ULK4: variants seen among roughly 807,000 people sequenced by gnomAD.
The protein encoded by ULK4 is inactive serine/threonine-protein kinase ULK4.
In ULK4, 133 loss-of-function variants were observed where a neutral mutation model predicts 160.6. The observed-to-expected ratio is 0.83, with a 90% CI of 0.72 to 0.96. The LOEUF (loss-of-function observed/expected upper bound fraction) is 0.96, where lower values mean the gene tolerates loss of function less well. ULK4 is among the 40% of genes least tolerant of loss of function. The pLI, the probability that ULK4 is intolerant of heterozygous loss-of-function variation, is 0.00. For missense variants in ULK4, 1,580 were observed against 1,499.5 expected (o/e 1.05, Z -0.89); for synonymous variants, 534 against 539.8 (o/e 0.99, Z 0.15).
At chr3:41,771,239 CAA>C (rs565069343) in intron 21 of ULK4, among the ~76,000 whole-genome samples, 2 of 152,144 alleles carry the variant, frequency 1.3e-5, no homozygotes, top group South Asian at 4.2e-4. Context: ...TGGTAATGTT[CAA>C]AAGTTAATTA....
intron 30 of ULK4, among the ~76,000 whole-genome samples, chr3:41,618,983 C>T (rs2125687701): frequency 6.6e-6 from 1 of 151,838 alleles, no homozygotes; most frequent in Admixed American, 6.6e-5. Context: ...ATCCTAGTCT[C>T]TAGGATTTAA....
intron 21 of ULK4, among the ~76,000 whole-genome samples, chr3:41,771,679 C>T (rs1342200409): frequency 6.6e-6 from 1 of 152,084 alleles, no homozygotes; most frequent in South Asian, 2.1e-4. Context: ...ACCACCACCA[C>T]ACACACAAAC....
intron 32 of ULK4, among the ~76,000 whole-genome samples, chr3:41,500,330 T>C (rs935176509): frequency 9.9e-5 from 15 of 151,808 alleles, no homozygotes; most frequent in African/African-American, 3.1e-4. Flanking sequence ...TTCTCAACAG[T>C]TGAAAACCCT....
intron 32 of ULK4, among the ~76,000 whole-genome samples, chr3:41,519,566 G>C (rs768412397): frequency 1.3e-5 from 2 of 152,234 alleles, no homozygotes; most frequent in South Asian, 4.1e-4. Context: ...CAGTGTGGTA[G>C]GGAATTTGAA....
At chr3:41,333,690 C>T (rs1398810464) in intron 35 of ULK4, among the ~76,000 whole-genome samples, 1 of 146,772 alleles carries the variant, frequency 6.8e-6, no homozygotes, top group East Asian at 2.0e-4. Context: ...TTTTACTCTT[C>T]ACCTGTTTGC....
chr3:41,624,205 T>C (rs1347524187), intron 30 of ULK4, among the ~76,000 whole-genome samples: 2 of 152,216 alleles, frequency 1.3e-5, no homozygotes, highest in East Asian at 3.8e-4. Context: ...TTCACAGTCT[T>C]CTTCCTCAGT....
intron 35 of ULK4, among the ~76,000 whole-genome samples, chr3:41,378,939 G>A (rs1450569738): frequency 6.6e-6 from 1 of 152,054 alleles, no homozygotes; most frequent in African/African-American, 2.4e-5. Flanking sequence ...ATCATTCTCA[G>A]CAAACTAACA....
intron 31 of ULK4, among the ~76,000 whole-genome samples, chr3:41,578,834 G>A (rs1324524239): frequency 6.6e-6 from 1 of 152,136 alleles, no homozygotes. Context: ...CTTGATCAAG[G>A]GAGAAAGTGA....
intron 29 of ULK4, among the ~76,000 whole-genome samples, chr3:41,668,048 T>C (rs1181271353): frequency 6.6e-6 from 1 of 152,186 alleles, no homozygotes; most frequent in African/African-American, 2.4e-5. Context: ...CTGAGGTATG[T>C]GATGAAACAA....
intron 17 of ULK4, among the ~76,000 whole-genome samples, chr3:41,882,590 G>T (rs1347519359): frequency 6.6e-6 from 1 of 152,140 alleles, no homozygotes; most frequent in Non-Finnish European, 1.5e-5. Flanking sequence ...CACTAACTCA[G>T]CTTCCTAAAG....
At position 41,420,475 on chromosome 3, in the gene ULK4, C is replaced by CTTTTTTTTTTTTTTTTTTTTTTTTTTTTT. The variant is rs1165381982; in HGVS notation, c.3493-22212_3493-22211insAAAAAAAAAAAAAAAAAAAAAAAAAAAAA. On this transcript the variant is annotated intron_variant, in intron 34 of 36. Coordinates refer to ENST00000301831, the MANE Select transcript of ULK4 (RefSeq NM_017886.4). ...GGATTTTTCAGTTTTCCAGTTCTTT[C>CTTTTTTTTTTTTTTTTTTTTTTTTTTTTT]TTTTTTTTTTTTTTTTTTTTTTTTT... Among the ~76,000 whole-genome samples, 9 of 41,178 alleles carry CTTTTTTTTTTTTTTTTTTTTTTTTTTTTT rather than the reference C, an allele frequency of 2.2e-4. 1 individual carries two copies. Among genetic ancestry groups the CTTTTTTTTTTTTTTTTTTTTTTTTTTTTT allele is most frequent in the Admixed American group, 4.9e-4 (1 of 2,040 alleles). The allele number at this position is 41,178 out of a possible 152,430, so 27.0% of individuals were successfully genotyped here. A position where few individuals can be genotyped will look rare whatever the true frequency, so the allele number is the denominator to read the frequency against.
intron 30 of ULK4, among the ~76,000 whole-genome samples, chr3:41,629,207 G>A (rs972167236): frequency 2.0e-5 from 3 of 152,258 alleles, no homozygotes; most frequent in East Asian, 1.9e-4. Flanking sequence ...GTTTCATGAC[G>A]TTTGCGGCCT....
rs764700123 is a variant in ULK4, at chr3:41,935,940, C to A, written c.239G>T (p.Gly80Val). The A allele has an allele frequency of 1.2e-6, 2 of 1,612,976 alleles. No homozygotes were observed. The highest frequency in any genetic ancestry group is 1.7e-6 in the Non-Finnish European group (2 of 1,179,730). Residue 80 changes from glycine to valine, a missense_variant and splice_region_variant, in exon 4 of 37, where the codon GGT becomes GTT. Transcript: ENST00000301831. ...AGCAATAACTGTTTTTAAGGAACCA[C>A]CTGCAAGAGGTTGATTAAAATCACC... Reference protein sequence around the residue: ...HLWLVVELCTGGSLKTVIAQD... With the variant: ...HLWLVVELCTVGSLKTVIAQD...
At chr3:41,736,410 T>A (rs1349742388) in intron 22 of ULK4, among the ~76,000 whole-genome samples, 1 of 151,946 alleles carries the variant, frequency 6.6e-6, no homozygotes, top group Admixed American at 6.5e-5. Flanking sequence ...GGTATCTCAC[T>A]GCGGTTTTGA....
At chr3:41,555,476 A>T (rs1389815952) in intron 32 of ULK4, among the ~76,000 whole-genome samples, 1 of 152,184 alleles carries the variant, frequency 6.6e-6, no homozygotes, top group East Asian at 1.9e-4. Context: ...ATGAAATACC[A>T]TCTAACACCA....
rs1470268720 is a variant in ULK4 at position 41,715,228 on chromosome 3, G to A, written c.2634+9C>T. The A allele has an allele frequency of 1.9e-6, 3 of 1,609,494 alleles. No homozygotes were observed. Among genetic ancestry groups the A allele is most frequent in the South Asian group, 1.1e-5 (1 of 89,778 alleles). On this transcript the variant is annotated intron_variant, in intron 25 of 36. Transcript: ENST00000301831. ...TTATTAGAAACAAGGAAAATTTCGTGTTACTCACAAGAATAGTTCCATAGC... is the reference window on the plus strand; with the variant it reads ...TTATTAGAAACAAGGAAAATTTCGTATTACTCACAAGAATAGTTCCATAGC...
intron 35 of ULK4, among the ~76,000 whole-genome samples, chr3:41,386,189 T>A (rs1193347280): frequency 6.6e-5 from 10 of 152,216 alleles, no homozygotes; most frequent in Non-Finnish European, 1.2e-4. Flanking sequence ...CGGATTTAGC[T>A]ATTATCTCAA....
intron 35 of ULK4, among the ~76,000 whole-genome samples, chr3:41,255,026 A>C (rs2078807608): frequency 6.6e-6 from 1 of 150,942 alleles, no homozygotes; most frequent in Admixed American, 6.6e-5. Context: ...TTAAATGTAG[A>C]TTTACCAAAT....
At chr3:41,641,264 C>T (rs370818991) in intron 30 of ULK4, among the ~76,000 whole-genome samples, 16 of 152,180 alleles carry the variant, frequency 1.1e-4, no homozygotes, top group Non-Finnish European at 8.8e-5. Context: ...TTATGATATA[C>T]AACATCTAAG....
Sources: allele counts gnomAD v4.1 joint callset (sites outside exome capture counted in the v4.1 genomes callset), GRCh38; gene constraint gnomAD v4.1.1; transcripts MANE v1.5; gene names NCBI Gene and HGNC (gene_info 2026-07-23, HGNC 2026-07-21).